Variants in AR observed in about 807,000 individuals in gnomAD.
The protein encoded by AR is dihydrotestosterone receptor.
Under a neutral mutation model 53.9 loss-of-function variants are expected in AR, and 8 were observed. That is an observed-to-expected ratio of 0.15 (90% CI 0.09 to 0.27). The LOEUF is 0.27. Ranked by LOEUF, AR falls within the 10% of genes least tolerant of loss-of-function variation. AR has a pLI of 1.00. For synonymous variants in AR, 359 were observed against 316.4 expected (o/e 1.13, Z -1.43); for missense variants, 639 against 742.5 (o/e 0.86, Z 1.62).
At chrX:67,562,321 G>C (rs1921360144) in intron 1 of AR, among the ~76,000 whole-genome samples, 1 of 107,341 alleles carries the variant, frequency 9.3e-6, no homozygotes, top group African/African-American at 3.4e-5. Flanking sequence ...TGTCAACATG[G>C]ACCATATGAG....
At chrX:67,654,015 C>T (rs1041683424) in intron 2 of AR, among the ~76,000 whole-genome samples, 3 of 111,707 alleles carry the variant, frequency 2.7e-5, no homozygotes, top group African/African-American at 9.8e-5. Flanking sequence ...TACAATTTTA[C>T]AGATAATCCA....
chrX:67,604,786 G>T (rs983557997), intron 1 of AR, among the ~76,000 whole-genome samples: 3 of 111,807 alleles, frequency 2.7e-5, no homozygotes, highest in Non-Finnish European at 5.6e-5. Flanking sequence ...AGTCATTGGT[G>T]CCAGAGTATC....
rs377671754 is a variant in AR, at chrX:67,723,678, C to T, written c.2608-8C>T. 12 of 1,207,250 alleles carry T rather than the reference C, an allele frequency of 9.9e-6. No individual in the cohort carries two copies. The African/African-American group carries it at 1.2e-4, about 12-fold the overall frequency. On this transcript the variant is annotated splice_region_variant and splice_polypyrimidine_tract_variant and intron_variant, in intron 7 of 7. Coordinates refer to ENST00000374690, the MANE Select transcript of AR (RefSeq NM_000044.6). ...CCCTGTTTTTCTCCCTCTTATTGTT[C>T]CCTACAGATTGCGAGAGAGCTGCAT...
At chrX:67,617,058 A>G (rs1209375849) in intron 1 of AR, among the ~76,000 whole-genome samples, 1 of 111,850 alleles carries the variant, frequency 8.9e-6, no homozygotes, top group Non-Finnish European at 1.9e-5. Context: ...TGAGCATGAA[A>G]CATATATTCA....
rs372111986 is a variant in AR at position 67,553,017 on chromosome X, G to A, written c.1616+6255G>A. ...TTACTTTCCTTTTTTTTCTTTTTAC[G>A]TTCTTAATGGTATCTAGATTGAAGC... On this transcript the variant is annotated intron_variant, in intron 1 of 7. Transcript: ENST00000374690. 2.2e-4 allele frequency among the ~76,000 whole-genome samples: 24 copies of A among 108,885 alleles called. No individual in the cohort carries two copies. In the East Asian group the frequency reaches 2.3e-3, roughly 10 times the overall value. The allele number at this position is 108,885 out of a possible 115,157, so 94.6% of individuals were successfully genotyped here.
intron 1 of AR, among the ~76,000 whole-genome samples, chrX:67,612,334 T>C (rs1923921336): frequency 8.9e-6 from 1 of 112,090 alleles, no homozygotes; most frequent in Non-Finnish European, 1.9e-5. Flanking sequence ...ACTGCGCAGA[T>C]CATTCCCCAT....
At chrX:67,698,476 G>T (rs772648694) in intron 3 of AR, among the ~76,000 whole-genome samples, 1 of 112,763 alleles carries the variant, frequency 8.9e-6, no homozygotes, top group Non-Finnish European at 1.9e-5. Flanking sequence ...ATTTATGTTT[G>T]CCAGGCTTTT....
At chrX:67,681,445 C>T (rs1168509247) in intron 2 of AR, among the ~76,000 whole-genome samples, 1 of 112,127 alleles carries the variant, frequency 8.9e-6, no homozygotes, top group Non-Finnish European at 1.9e-5. Flanking sequence ...GCTTTGTCTT[C>T]AGACTATAAT....
chrX:67,621,810 G>A (rs1924392123), intron 1 of AR, among the ~76,000 whole-genome samples: 1 of 111,763 alleles, frequency 8.9e-6, no homozygotes, highest in Admixed American at 9.5e-5. Flanking sequence ...CCCTAGTGAA[G>A]TTCAATGTGC....
At chrX:67,557,562 C>T (rs754243511) in intron 1 of AR, among the ~76,000 whole-genome samples, 1 of 111,744 alleles carries the variant, frequency 8.9e-6, no homozygotes, top group South Asian at 3.7e-4. Flanking sequence ...ACTTAGAGAT[C>T]GCCTAGGCTG....
At chrX:67,673,923 C>T (rs1258536625) in intron 2 of AR, among the ~76,000 whole-genome samples, 2 of 110,939 alleles carry the variant, frequency 1.8e-5, no homozygotes, top group Non-Finnish European at 3.8e-5. Flanking sequence ...TTGTTCATAC[C>T]TGCCCTCCTT....
chrX:67,582,212 G>C (rs1340240759), intron 1 of AR, among the ~76,000 whole-genome samples: 1 of 111,835 alleles, frequency 8.9e-6, no homozygotes, highest in East Asian at 2.8e-4. Flanking sequence ...GGGTTGTGTA[G>C]AAGTGATGGG....
Position 67,724,012 on chromosome X carries a change from T to C in AR, c.*171T>C, listed in dbSNP as rs2076148358. ...CTATTTGCTGGGCTTTTTTTTTCTCTTTCTCTCCTTTCTTTTTCTTCTTCC... is the reference window on the plus strand; with the variant it reads ...CTATTTGCTGGGCTTTTTTTTTCTCCTTCTCTCCTTTCTTTTTCTTCTTCC... On this transcript the variant is annotated 3_prime_UTR_variant, in exon 8 of 8. Coordinates refer to ENST00000374690, the MANE Select transcript of AR (RefSeq NM_000044.6). The C allele has an allele frequency of 1.6e-6, 1 of 621,433 alleles. No individual in the cohort carries two copies. The highest frequency in any genetic ancestry group is 2.3e-5 in the African/African-American group (1 of 43,802). The allele number at this position is 621,433 out of a possible 1,213,427, so 51.2% of individuals were successfully genotyped here. A position where few individuals can be genotyped will look rare whatever the true frequency, so the allele number is the denominator to read the frequency against.
intron 3 of AR, among the ~76,000 whole-genome samples, chrX:67,686,899 A>C (rs1427634696): frequency 9.0e-6 from 1 of 110,520 alleles, no homozygotes; most frequent in Non-Finnish European, 1.9e-5. Flanking sequence ...GTTGATTGAG[A>C]CTTATATTTT....
intron 1 of AR, among the ~76,000 whole-genome samples, chrX:67,583,554 T>G (rs1969405150): frequency 8.9e-6 from 1 of 112,046 alleles, no homozygotes; most frequent in South Asian, 3.7e-4. Flanking sequence ...AGTTCTCCAC[T>G]GTCAGTCAAG....
chrX:67,684,771 G>A (rs1414813259), intron 2 of AR, among the ~76,000 whole-genome samples: 1 of 111,760 alleles, frequency 8.9e-6, no homozygotes, highest in Non-Finnish European at 1.9e-5. Context: ...ACATAAAATA[G>A]CCTACTATAA....
At chrX:67,678,683 C>G (rs911247479) in intron 2 of AR, among the ~76,000 whole-genome samples, 3 of 111,460 alleles carry the variant, frequency 2.7e-5, no homozygotes, top group African/African-American at 9.8e-5. Context: ...CTCCCTTCTC[C>G]CACCCTACAA....
rs1366322046 is a variant in AR, at chrX:67,725,549, T to C, written c.*1708T>C. 1 of 173,858 alleles carries C rather than the reference T, an allele frequency of 5.8e-6. No individual in the cohort carries two copies. The highest frequency in any genetic ancestry group is 1.1e-5 in the Non-Finnish European group (1 of 91,379). The allele number at this position is 173,858 out of a possible 1,213,427, so 14.3% of individuals were successfully genotyped here. A position where few individuals can be genotyped will look rare whatever the true frequency, so the allele number is the denominator to read the frequency against. ...CCAGCATATCCACCTGCAGAAGTCA[T>C]GAGAAGAGAGAAGGAACAAAGAGGA... is the stretch of plus-strand genomic sequence containing the variant. On this transcript the variant is annotated 3_prime_UTR_variant, in exon 8 of 8. Coordinates refer to ENST00000374690, the MANE Select transcript of AR (RefSeq NM_000044.6).
intron 1 of AR, among the ~76,000 whole-genome samples, chrX:67,642,018 C>A (rs949070353): frequency 9.0e-6 from 1 of 110,921 alleles, no homozygotes; most frequent in East Asian, 2.8e-4. Context: ...CAAGTCTTAA[C>A]GTTTTTCATC....
Sources: gnomAD v4.1 joint callset for allele counts (sites outside exome capture counted in the v4.1 genomes callset) on GRCh38, gnomAD v4.1.1 for gene constraint, MANE v1.5 for transcripts, NCBI Gene and HGNC (gene_info 2026-07-23, HGNC 2026-07-21) for gene names.